KCNU1: variants seen among roughly 807,000 people sequenced by gnomAD.
KCNU1 encodes potassium channel subfamily U member 1.
Under a neutral mutation model 126.8 loss-of-function variants are expected in KCNU1, and 93 were observed. The ratio of observed to expected loss-of-function variants is 0.73; its 90% CI spans 0.62 to 0.87. KCNU1 has a LOEUF of 0.87. Ranked by LOEUF, KCNU1 falls within the 40% of genes least tolerant of loss-of-function variation. The pLI, the probability that KCNU1 is intolerant of heterozygous loss-of-function variation, is 0.00. For synonymous variants in KCNU1, 523 were observed against 494.2 expected, an observed-to-expected ratio of 1.06 and a Z score of -0.77; for missense variants, 1,330 against 1,367.1, an observed-to-expected ratio of 0.97 and a Z score of 0.43.
chr8:36,932,845 C>T (rs936816990), intron 25 of KCNU1, 75 bp from the exon 26 acceptor site: 11 of 832,034 alleles, frequency 1.3e-5, no homozygotes, highest in African/African-American at 6.8e-5. Context: ...ATAAAGCAAA[C>T]GACACTCCAG....
intron 19 of KCNU1, among the ~76,000 whole-genome samples, chr8:36,902,674 T>C (rs1807465151): frequency 6.6e-6 from 1 of 152,096 alleles, no homozygotes; most frequent in African/African-American, 2.4e-5. Context: ...AGAAAGAGGT[T>C]CTACGGATGA....
At chr8:36,919,612 C>T (rs907387865) in intron 23 of KCNU1, among the ~76,000 whole-genome samples, 2 of 151,966 alleles carry the variant, frequency 1.3e-5, no homozygotes, top group African/African-American at 2.4e-5. Flanking sequence ...GGACGCATTG[C>T]GTCTGTATTC....
chr8:36,935,925 GC>G lies in KCNU1; in HGVS notation c.*8del. 6.5e-7 allele frequency: 1 copy of G among 1,543,126 alleles called. No homozygotes were observed. Among genetic ancestry groups the G allele is most frequent in the Non-Finnish European group, 8.7e-7 (1 of 1,146,668 alleles). On this transcript the variant is annotated 3_prime_UTR_variant, in exon 27 of 27. Coordinates refer to ENST00000399881, the MANE Select transcript of KCNU1 (RefSeq NM_001031836.3). ...GCATATTCAGAGCCACTATAGACCT[GC>G]CCATATTCTTCACGTGCTCTTAACT...
chr8:36,847,793 C>G (rs1340592727), intron 18 of KCNU1, among the ~76,000 whole-genome samples: 2 of 152,188 alleles, frequency 1.3e-5, no homozygotes, highest in Admixed American at 6.5e-5. Flanking sequence ...GTGCAGATAT[C>G]TTTTTGATAC....
intron 19 of KCNU1, among the ~76,000 whole-genome samples, chr8:36,866,865 A>C (rs1805929587): frequency 1.3e-5 from 2 of 152,126 alleles, no homozygotes; most frequent in Admixed American, 1.3e-4. Context: ...ACTAGAAGAG[A>C]AGATGTAAAA....
intron 23 of KCNU1, among the ~76,000 whole-genome samples, chr8:36,919,248 G>A (rs568889231): frequency 1.3e-5 from 2 of 152,108 alleles, no homozygotes; most frequent in East Asian, 3.9e-4. Context: ...ACAGGACTTC[G>A]GGTCAGATGC....
chr8:36,912,856 T>C (rs1807938074), intron 22 of KCNU1, among the ~76,000 whole-genome samples: 1 of 145,286 alleles, frequency 6.9e-6, no homozygotes, highest in Admixed American at 7.3e-5. Context: ...TAATCCCAGC[T>C]ACTCGGGAGG....
chr8:36,832,311 C>T lies in KCNU1; in HGVS notation c.1107-1243C>T, dbSNP rs144613230. Among the ~76,000 whole-genome samples, 2,871 of 152,192 alleles carry T rather than the reference C, an allele frequency of 0.019. 238 individuals carry two copies. In the East Asian group the frequency reaches 0.26, roughly 14 times the overall value. On this transcript the variant is annotated intron_variant, in intron 10 of 26. Transcript: ENST00000399881. ...ATTCTGTGAAGAAAGTCATTGGTAGCTTGATGGGGATGGCATTGAATCTGT... is the reference window on the plus strand; with the variant it reads ...ATTCTGTGAAGAAAGTCATTGGTAGTTTGATGGGGATGGCATTGAATCTGT...
intron 19 of KCNU1, among the ~76,000 whole-genome samples, chr8:36,870,713 G>A (rs1041159641): frequency 8.5e-5 from 13 of 152,092 alleles, no homozygotes; most frequent in Admixed American, 2.0e-4. Flanking sequence ...TTTCCCTCCA[G>A]ACAAGCATAG....
intron 3 of KCNU1, among the ~76,000 whole-genome samples, chr8:36,804,451 C>T (rs562614766): frequency 3.7e-4 from 56 of 152,234 alleles, no homozygotes; most frequent in Middle Eastern, 6.8e-3. Flanking sequence ...GGAGCAGAAA[C>T]GCTGTCGTAG....
chr8:36,802,108 C>CAAAAAAAAAAAAA (rs749026223), intron 2 of KCNU1, among the ~76,000 whole-genome samples: 1 of 72,356 alleles, frequency 1.4e-5, no homozygotes, highest in Non-Finnish European at 2.8e-5. Context: ...AACTCCGTCT[C>CAAAAAAAAAAAAA]AAAAAAAAAA....
At chr8:36,797,768 A>G (rs528714909) in intron 2 of KCNU1, among the ~76,000 whole-genome samples, 1 of 152,152 alleles carries the variant, frequency 6.6e-6, no homozygotes, top group South Asian at 2.1e-4. Context: ...GGTTGAGTTT[A>G]GAATTCTTGG....
Position 36,806,266 on chromosome 8 carries a change from T to G in KCNU1, c.469-3T>G. 1 of 1,592,922 alleles carries G rather than the reference T, an allele frequency of 6.3e-7. No homozygotes were observed. The highest frequency in any genetic ancestry group is 8.6e-7 in the Non-Finnish European group (1 of 1,165,474). On this transcript the variant is annotated splice_polypyrimidine_tract_variant and splice_region_variant and intron_variant, in intron 4 of 26. Coordinates refer to ENST00000399881, the MANE Select transcript of KCNU1 (RefSeq NM_001031836.3). Reference sequence around the variant, plus strand: ...TTTGTGTTATTCTGTTTCTATTTCATAGTTTATGGCAGCTGATGACAAGAT... The same window carrying G: ...TTTGTGTTATTCTGTTTCTATTTCAGAGTTTATGGCAGCTGATGACAAGAT...
rs753474305 is a variant in KCNU1 at position 36,807,371 on chromosome 8, G to A, written c.581-4G>A. 6.2e-7 allele frequency: 1 copy of A among 1,612,258 alleles called. No individual in the cohort carries two copies. The highest frequency in any genetic ancestry group is 2.2e-5 in the East Asian group (1 of 44,840). ...GCAGCTTTCTCCTTTCCATTGGTTT[G>A]TAGGTTTAAGGTTCCTAAGAGCCTT... is the stretch of plus-strand genomic sequence containing the variant. On this transcript the variant is annotated splice_polypyrimidine_tract_variant and splice_region_variant and intron_variant, in intron 5 of 26. Transcript: ENST00000399881.
chr8:36,852,803 T>C (rs899576853), intron 18 of KCNU1, among the ~76,000 whole-genome samples: 2 of 152,144 alleles, frequency 1.3e-5, no homozygotes, highest in Non-Finnish European at 2.9e-5. Flanking sequence ...ACATGAGTGT[T>C]CTTTCTTTTT....
intron 14 of KCNU1, among the ~76,000 whole-genome samples, chr8:36,837,882 C>T (rs1804811079): frequency 6.6e-6 from 1 of 150,792 alleles, no homozygotes; most frequent in South Asian, 2.1e-4. Context: ...TGACTTCCCT[C>T]TTGACCTCTC....
At chr8:36,799,683 C>G (rs987782747) in intron 2 of KCNU1, among the ~76,000 whole-genome samples, 1 of 150,016 alleles carries the variant, frequency 6.7e-6, no homozygotes, top group East Asian at 1.9e-4. Context: ...TACAGGCACA[C>G]GCCACCACAC....
chr8:36,841,109 G>A, intron 16 of KCNU1, 106 bp downstream of exon 16: 1 of 754,392 alleles, frequency 1.3e-6, no homozygotes, highest in South Asian at 1.7e-5. Context: ...CTATAACTAA[G>A]CTTTTTCCCT....
rs542613842 is a variant in KCNU1 at position 36,934,957 on chromosome 8, C to T, written c.3045-558C>T. Among the ~76,000 whole-genome samples, 11 of 152,142 alleles carry T rather than the reference C, an allele frequency of 7.2e-5. No homozygotes were observed. In the South Asian group the frequency reaches 2.3e-3, roughly 32 times the overall value. On this transcript the variant is annotated intron_variant, in intron 26 of 26. Coordinates refer to ENST00000399881, the MANE Select transcript of KCNU1 (RefSeq NM_001031836.3). ...CAAATGAAACTGTTTTTTTCTAATG[C>T]TTTTCTCCATTGGCCAGGCTACATT...
Sources: gnomAD v4.1 joint callset for allele counts (sites outside exome capture counted in the v4.1 genomes callset) on GRCh38, gnomAD v4.1.1 for gene constraint, MANE v1.5 for transcripts, NCBI Gene and HGNC (gene_info 2026-07-23, HGNC 2026-07-21) for gene names.